Variants in ASIC2 observed in about 807,000 individuals in gnomAD.
ASIC2 encodes the protein acid-sensing ion channel 2.
In ASIC2, 25 loss-of-function variants were observed where a neutral mutation model predicts 57.3. The ratio of observed to expected loss-of-function variants is 0.44; its 90% CI spans 0.32 to 0.61. The LOEUF is 0.61. Ranked by LOEUF, ASIC2 falls within the 20% of genes least tolerant of loss-of-function variation. The pLI is 0.06. For synonymous variants in ASIC2, 319 were observed against 307.5 expected (o/e 1.04, Z -0.39); for missense variants, 641 against 738.1 (o/e 0.87, Z 1.52).
chr17:33,494,849 T>C (rs545436486), intron 1 of ASIC2, among the ~76,000 whole-genome samples: 1 of 152,336 alleles, frequency 6.6e-6, no homozygotes, highest in East Asian at 1.9e-4. Flanking sequence ...TAGAAAGTGA[T>C]GACGCCCTGT....
chr17:33,686,043 G>C (rs181828417), intron 1 of ASIC2, among the ~76,000 whole-genome samples: 2 of 152,172 alleles, frequency 1.3e-5, no homozygotes, highest in Non-Finnish European at 2.9e-5. Flanking sequence ...CTTGACGACA[G>C]TGTTCATCTT....
chr17:34,111,968 A>AT (rs576820107), intron 1 of ASIC2, among the ~76,000 whole-genome samples: 139 of 152,344 alleles, frequency 9.1e-4, no homozygotes, highest in African/African-American at 3.3e-3. Flanking sequence ...CTATATAATG[A>AT]TTATAACTAT....
intron 1 of ASIC2, among the ~76,000 whole-genome samples, chr17:33,249,320 G>A (rs1284248318): frequency 6.6e-6 from 1 of 152,190 alleles, no homozygotes; most frequent in Non-Finnish European, 1.5e-5. Context: ...ATGTTGAGTA[G>A]GTAGCTGGGG....
intron 1 of ASIC2, among the ~76,000 whole-genome samples, chr17:33,917,623 A>C (rs187037517): frequency 6.6e-6 from 1 of 152,168 alleles, no homozygotes; most frequent in Non-Finnish European, 1.5e-5. Context: ...ATCTATTCTC[A>C]TGAATGAGTC....
At chr17:33,701,716 C>G (rs1467814704) in intron 1 of ASIC2, among the ~76,000 whole-genome samples, 1 of 152,154 alleles carries the variant, frequency 6.6e-6, no homozygotes, top group East Asian at 1.9e-4. Context: ...TCATTCTTAC[C>G]CACTTGATCA....
chr17:33,180,393 G>C (rs1029921037), intron 1 of ASIC2, among the ~76,000 whole-genome samples: 4 of 152,206 alleles, frequency 2.6e-5, no homozygotes, highest in African/African-American at 9.7e-5. Flanking sequence ...ATGGAAGCAG[G>C]AGGAGCGCCT....
intron 1 of ASIC2, among the ~76,000 whole-genome samples, chr17:33,765,384 A>T (rs988231923): frequency 6.6e-6 from 1 of 152,174 alleles, no homozygotes; most frequent in African/African-American, 2.4e-5. Flanking sequence ...CTGGGATTAC[A>T]GGCGTGAGCC....
intron 1 of ASIC2, among the ~76,000 whole-genome samples, chr17:33,314,977 C>T (rs1347736988): frequency 6.6e-6 from 1 of 152,162 alleles, no homozygotes; most frequent in African/African-American, 2.4e-5. Flanking sequence ...AATTGGACCT[C>T]TTGTGGCAGA....
chr17:33,256,808 G>T (rs1909097034), intron 1 of ASIC2, among the ~76,000 whole-genome samples: 1 of 152,146 alleles, frequency 6.6e-6, no homozygotes, highest in Non-Finnish European at 1.5e-5. Context: ...CTCCAGCCTG[G>T]GCAACAGAGT....
intron 1 of ASIC2, chr17:34,155,941 A>T (rs780163895): frequency 6.4e-7 from 1 of 1,557,114 alleles, no homozygotes; most frequent in Admixed American, 1.9e-5. Context: ...ACTTCTCCAG[A>T]GGACCAGACA....
chr17:33,218,288 C>G (rs990056774), intron 1 of ASIC2, among the ~76,000 whole-genome samples: 1 of 152,118 alleles, frequency 6.6e-6, no homozygotes, highest in Non-Finnish European at 1.5e-5. Context: ...TGCTGCGGGG[C>G]AGGCCCAGGT....
chr17:34,092,944 T>C (rs1203262854), intron 1 of ASIC2, among the ~76,000 whole-genome samples: 1 of 152,210 alleles, frequency 6.6e-6, no homozygotes, highest in Non-Finnish European at 1.5e-5. Flanking sequence ...ATATCAATGG[T>C]ATCATAAAAT....
chr17:34,114,910 C>G (rs887129840), intron 1 of ASIC2, among the ~76,000 whole-genome samples: 1 of 152,162 alleles, frequency 6.6e-6, no homozygotes, highest in Non-Finnish European at 1.5e-5. Flanking sequence ...TTCTGTCCAG[C>G]TCTGACTGTA....
intron 1 of ASIC2, among the ~76,000 whole-genome samples, chr17:33,903,517 G>C (rs1915274710): frequency 6.6e-6 from 1 of 152,110 alleles, no homozygotes; most frequent in Middle Eastern, 3.2e-3. Context: ...CATATTAAAG[G>C]CTCTGACAAA....
At chr17:33,608,072 C>A (rs1350111733) in intron 1 of ASIC2, among the ~76,000 whole-genome samples, 1 of 152,090 alleles carries the variant, frequency 6.6e-6, no homozygotes, top group African/African-American at 2.4e-5. Flanking sequence ...ATAGGAAATA[C>A]AATCGGGCCA....
chr17:33,149,663 G>A lies in ASIC2; in HGVS notation c.709-37596C>T, dbSNP rs572103988. ...TTATTGCATGAGTGTCTTTCACATA[G>A]TAATCTCAGCAGCATTTGACTTAAA... On this transcript the variant is annotated intron_variant, in intron 1 of 9. Coordinates refer to ENST00000225823, the MANE Select transcript of ASIC2 (RefSeq NM_183377.2). 2.0e-5 allele frequency among the ~76,000 whole-genome samples: 3 copies of A among 152,048 alleles called. No individual in the cohort carries two copies. The South Asian group carries it at 6.2e-4, about 32-fold the overall frequency.
intron 8 of ASIC2, 66 bp from the exon 9 acceptor site, chr17:33,016,105 C>T (rs1364000567): frequency 3.3e-6 from 5 of 1,517,580 alleles, no homozygotes; most frequent in Non-Finnish European, 4.6e-6. Context: ...AGGGACCTCC[C>T]TCCATTGGGC....
chr17:34,108,158 A>T (rs1911131398), intron 1 of ASIC2, among the ~76,000 whole-genome samples: 1 of 152,164 alleles, frequency 6.6e-6, no homozygotes, highest in Non-Finnish European at 1.5e-5. Flanking sequence ...ATTTTCAACA[A>T]CTACATAATA....
intron 1 of ASIC2, among the ~76,000 whole-genome samples, chr17:33,324,004 G>A (rs1019563458): frequency 6.6e-6 from 1 of 151,712 alleles, no homozygotes; most frequent in South Asian, 2.1e-4. Flanking sequence ...ATATTATACA[G>A]CAATCAAAAG....
Sources: gnomAD v4.1 joint callset for allele counts (sites outside exome capture counted in the v4.1 genomes callset) on GRCh38, gnomAD v4.1.1 for gene constraint, MANE v1.5 for transcripts, NCBI Gene and HGNC (gene_info 2026-07-23, HGNC 2026-07-21) for gene names.